CTNNA2: variants seen among roughly 807,000 people sequenced by gnomAD.
The protein encoded by CTNNA2 is catenin alpha 2, also known as catenin alpha-2.
CTNNA2 carries 42 observed loss-of-function variants against 101.0 expected under a neutral mutation model. The ratio of observed to expected loss-of-function variants is 0.42; its 90% confidence interval spans 0.32 to 0.54. CTNNA2 has a LOEUF of 0.54. Ranked by LOEUF, CTNNA2 falls within the 20% of genes least tolerant of loss-of-function variation. The probability of loss-of-function intolerance (pLI) is 0.14; values close to 1 mark genes in which losing one functional copy is unlikely to be tolerated. For synonymous variants in CTNNA2, 450 were observed against 456.4 expected, an observed-to-expected ratio of 0.99 and a Z score of 0.18; for missense variants, 871 against 1,223.1, an observed-to-expected ratio of 0.71 and a Z score of 4.29.
At chr2:79,259,060 T>C (rs529522199) in intron 2 of CTNNA2, among the ~76,000 whole-genome samples, 1 of 152,272 alleles carries the variant, frequency 6.6e-6, no homozygotes, top group South Asian at 2.1e-4. Flanking sequence ...CTATCTAAAC[T>C]GACAAGTCCT....
chr2:80,137,199 A>G (rs1320562174), intron 7 of CTNNA2, among the ~76,000 whole-genome samples: 1 of 152,186 alleles, frequency 6.6e-6, no homozygotes, highest in Non-Finnish European at 1.5e-5. Context: ...AGATATTTTG[A>G]GAAACCTACC....
intron 7 of CTNNA2, among the ~76,000 whole-genome samples, chr2:80,170,394 C>A (rs963250940): frequency 5.3e-5 from 8 of 152,294 alleles, no homozygotes; most frequent in African/African-American, 1.7e-4. Context: ...ACCCAACCGT[C>A]ACCTGATCTA....
chr2:79,415,869 T>C (rs1334356435), intron 4 of CTNNA2, among the ~76,000 whole-genome samples: 1 of 152,154 alleles, frequency 6.6e-6, no homozygotes, highest in Non-Finnish European at 1.5e-5. Flanking sequence ...GAATTATCAG[T>C]CTTACAATTG....
At chr2:79,776,903 A>G (rs879301597) in intron 3 of CTNNA2, 1 of 152,214 alleles carries the variant, frequency 6.6e-6, no homozygotes, top group Admixed American at 6.5e-5. Context: ...AGCTGAGAGC[A>G]TCTTCTGTGA....
intron 4 of CTNNA2, among the ~76,000 whole-genome samples, chr2:79,451,387 A>G (rs1429317387): frequency 6.6e-6 from 1 of 152,110 alleles, no homozygotes; most frequent in Non-Finnish European, 1.5e-5. Flanking sequence ...TTATTACATT[A>G]AATACATTTC....
Position 80,530,973 on chromosome 2 carries a change from A to G in CTNNA2, c.1291-14009A>G, listed in dbSNP as rs143965515. 3.6e-4 allele frequency among the ~76,000 whole-genome samples: 55 copies of G among 152,338 alleles called. No individual in the cohort carries two copies. In the East Asian group the frequency reaches 7.9e-3, roughly 22 times the overall value. On this transcript the variant is annotated intron_variant, in intron 9 of 18. Transcript: ENST00000402739. Reference sequence around the variant, plus strand: ...CTGAAAGAAAAGAAGAGGTGGCACTAGAGCTCAGGTAAGATGGAGTGAACA... The same window carrying G: ...CTGAAAGAAAAGAAGAGGTGGCACTGGAGCTCAGGTAAGATGGAGTGAACA...
intron 1 of CTNNA2, among the ~76,000 whole-genome samples, chr2:79,522,168 G>A (rs1035414118): frequency 5.3e-5 from 8 of 152,272 alleles, no homozygotes; most frequent in Admixed American, 1.3e-4. Flanking sequence ...GATAGGAGCC[G>A]CACCTTCCAT....
intron 7 of CTNNA2, among the ~76,000 whole-genome samples, chr2:80,034,965 A>G (rs1574597308): frequency 6.6e-6 from 1 of 152,340 alleles, no homozygotes; most frequent in Non-Finnish European, 1.5e-5. Flanking sequence ...ATTATGTGAA[A>G]TAATACGTAA....
chr2:79,849,307 A>G (rs1412680049), intron 3 of CTNNA2, among the ~76,000 whole-genome samples: 1 of 149,532 alleles, frequency 6.7e-6, no homozygotes, highest in Non-Finnish European at 1.5e-5. Context: ...TTTTTTTTTA[A>G]TAAGCAGATA....
intron 7 of CTNNA2, among the ~76,000 whole-genome samples, chr2:79,999,977 G>GGAGGAACTGCAGTAATT (rs1692828468): frequency 6.6e-6 from 1 of 152,146 alleles, no homozygotes. Flanking sequence ...AGACCTGTGG[G>GGAGGAACTGCAGTAATT]GAGGAACTGC....
chr2:80,500,889 C>T (rs1687829488), intron 9 of CTNNA2, among the ~76,000 whole-genome samples: 1 of 152,182 alleles, frequency 6.6e-6, no homozygotes, highest in Non-Finnish European at 1.5e-5. Flanking sequence ...ATCTCTCCTC[C>T]AGAAGGCTCA....
intron 4 of CTNNA2, among the ~76,000 whole-genome samples, chr2:79,504,629 T>C (rs1671373359): frequency 6.6e-6 from 1 of 152,156 alleles, no homozygotes; most frequent in African/African-American, 2.4e-5. Flanking sequence ...TGGATGGACT[T>C]GTGACTTTGG....
chr2:79,287,990 G>A (rs1296875129), intron 2 of CTNNA2, among the ~76,000 whole-genome samples: 2 of 152,228 alleles, frequency 1.3e-5, no homozygotes, highest in African/African-American at 4.8e-5. Context: ...CGCAGTATCA[G>A]GTGGGAGTGA....
rs112915216 is a variant in CTNNA2, at chr2:79,637,449, C to T, written c.-5-14103C>T. 7.0e-3 allele frequency among the ~76,000 whole-genome samples: 1,070 copies of T among 152,216 alleles called. 3 individuals are homozygous for T. Among genetic ancestry groups the T allele is most frequent in the Non-Finnish European group, 0.011 (740 of 68,020 alleles). ...GTGTCACCTGAGGTGATTCTGGTCA[C>T]CTTAGAATGATTATGGCTGATGCCC... is the stretch of plus-strand genomic sequence containing the variant. On this transcript the variant is annotated intron_variant, in intron 1 of 18. Transcript: ENST00000402739.
chr2:79,273,516 A>G (rs564885039), intron 2 of CTNNA2, among the ~76,000 whole-genome samples: 2 of 152,198 alleles, frequency 1.3e-5, no homozygotes, highest in East Asian at 3.9e-4. Flanking sequence ...CTTAGAAAGT[A>G]TAGTAATTCT....
chr2:79,874,511 C>T (rs1558601906), intron 6 of CTNNA2, among the ~76,000 whole-genome samples, 169 bp downstream of exon 6: 1 of 152,152 alleles, frequency 6.6e-6, no homozygotes, highest in Non-Finnish European at 1.5e-5. Flanking sequence ...ATTGGCTAAG[C>T]CATTATCACT....
chr2:80,045,342 C>A (rs1413727658), intron 7 of CTNNA2, among the ~76,000 whole-genome samples: 3 of 152,192 alleles, frequency 2.0e-5, no homozygotes, highest in Non-Finnish European at 4.4e-5. Flanking sequence ...TTCTCAAAAT[C>A]AGTTATTTCT....
chr2:79,538,933 C>G (rs934748425), intron 1 of CTNNA2, among the ~76,000 whole-genome samples: 4 of 152,172 alleles, frequency 2.6e-5, no homozygotes, highest in African/African-American at 9.6e-5. Context: ...CAGGTGAGGC[C>G]TTATGAAGAC....
At chr2:79,710,525 G>T (rs1204330185) in intron 2 of CTNNA2, among the ~76,000 whole-genome samples, 1 of 152,136 alleles carries the variant, frequency 6.6e-6, no homozygotes, top group Non-Finnish European at 1.5e-5. Flanking sequence ...TCCACCCAGT[G>T]GAGAGTGTTT....
Sources: allele counts gnomAD v4.1 joint callset (sites outside exome capture counted in the v4.1 genomes callset), GRCh38; gene constraint gnomAD v4.1.1; transcripts MANE v1.5; gene names NCBI Gene and HGNC (gene_info 2026-07-23, HGNC 2026-07-21).